Variants in EIPR1 observed in about 807,000 individuals in gnomAD.
The protein encoded by EIPR1 is EARP and GARP complex-interacting protein 1.
EIPR1 carries 25 observed loss-of-function variants against 48.1 expected under a neutral mutation model. That is an observed-to-expected ratio of 0.52 (90% CI 0.38 to 0.73). EIPR1 has a LOEUF of 0.73. Ranked by LOEUF, EIPR1 falls within the 30% of genes least tolerant of loss-of-function variation. The pLI is 0.00. For synonymous variants in EIPR1, 204 were observed against 201.9 expected (o/e 1.01, Z -0.09); for missense variants, 415 against 506.2 (o/e 0.82, Z 1.73).
chr2:3,331,322 T>G (rs1236607860), intron 3 of EIPR1, among the ~76,000 whole-genome samples: 1 of 68,732 alleles, frequency 1.5e-5, no homozygotes, highest in Non-Finnish European at 2.5e-5. Context: ...CAGAGGCAGG[T>G]GTGTATACAC....
At chr2:3,346,802 C>CA (rs796176302) in intron 2 of EIPR1, among the ~76,000 whole-genome samples, 27 of 152,280 alleles carry the variant, frequency 1.8e-4, no homozygotes, top group African/African-American at 6.5e-4. Context: ...AAACCTTGGA[C>CA]AAAAATCATA....
At chr2:3,278,418 A>G (rs1001476853) in intron 3 of EIPR1, among the ~76,000 whole-genome samples, 1 of 152,162 alleles carries the variant, frequency 6.6e-6, no homozygotes, top group Non-Finnish European at 1.5e-5. Flanking sequence ...ACCTGTGGCC[A>G]GCCAGCCCTC....
intron 3 of EIPR1, among the ~76,000 whole-genome samples, chr2:3,324,754 G>A (rs1306025036): frequency 2.6e-5 from 4 of 152,344 alleles, no homozygotes; most frequent in East Asian, 1.9e-4. Flanking sequence ...ATCCAGCCTC[G>A]TGGGCCCCGG....
intron 3 of EIPR1, among the ~76,000 whole-genome samples, chr2:3,307,821 C>G (rs567290029): frequency 6.6e-6 from 1 of 152,266 alleles, no homozygotes; most frequent in East Asian, 1.9e-4. Flanking sequence ...CTGTATATTT[C>G]AGAATAGCAG....
chr2:3,326,518 G>C (rs974045815), intron 3 of EIPR1, among the ~76,000 whole-genome samples: 1 of 152,144 alleles, frequency 6.6e-6, no homozygotes, highest in Non-Finnish European at 1.5e-5. Flanking sequence ...TTTACATCTA[G>C]CTCCCCTTTT....
At chr2:3,260,678 A>T (rs941630076) in intron 3 of EIPR1, among the ~76,000 whole-genome samples, 3 of 152,312 alleles carry the variant, frequency 2.0e-5, no homozygotes, top group African/African-American at 4.8e-5. Flanking sequence ...CTTAATAATG[A>T]AACAACCCAA....
chr2:3,343,874 A>C (rs764904192), intron 2 of EIPR1, among the ~76,000 whole-genome samples: 3 of 152,134 alleles, frequency 2.0e-5, no homozygotes, highest in Non-Finnish European at 4.4e-5. Flanking sequence ...CTGCGCTTCT[A>C]AACTGAAAGT....
chr2:3,189,247 C>T lies in EIPR1; in HGVS notation c.*87G>A, dbSNP rs769759415. Reference sequence around the variant, plus strand: ...CCCAGAGAGGGATCCACCTGGAACACGAGTCACCTCCAAAGAGCTGCGACT... The same window carrying T: ...CCCAGAGAGGGATCCACCTGGAACATGAGTCACCTCCAAAGAGCTGCGACT... On this transcript the variant is annotated 3_prime_UTR_variant, in exon 9 of 9. Transcript: ENST00000382125. The surrounding 1 kb of genome is among the most constrained non-coding windows in gnomAD (Gnocchi z 4.6). 151 of 1,347,598 alleles carry T rather than the reference C, an allele frequency of 1.1e-4. 1 individual carries two copies. Among genetic ancestry groups the T allele is most frequent in the Non-Finnish European group, 1.4e-4 (146 of 1,017,478 alleles). 83.5% of individuals were successfully genotyped at this position (1,347,598 alleles called of 1,614,324 possible).
chr2:3,194,993 G>A (rs559555103), intron 6 of EIPR1, among the ~76,000 whole-genome samples: 4 of 152,336 alleles, frequency 2.6e-5, no homozygotes, highest in Non-Finnish European at 4.4e-5. Context: ...CTGTGTGCAC[G>A]CCCACACATG....
At chr2:3,207,626 C>T (rs565886361) in intron 5 of EIPR1, among the ~76,000 whole-genome samples, 15 of 152,318 alleles carry the variant, frequency 9.8e-5, no homozygotes, top group African/African-American at 2.9e-4. Flanking sequence ...GAGCCTGTGC[C>T]GAAGCTCCCC....
At chr2:3,352,501 A>T (rs1670608959) in intron 2 of EIPR1, among the ~76,000 whole-genome samples, 1 of 152,236 alleles carries the variant, frequency 6.6e-6, no homozygotes, top group Admixed American at 6.5e-5. Flanking sequence ...CCTGCCCCTG[A>T]GCCACCCACA....
chr2:3,372,115 C>T (rs1402196320), intron 1 of EIPR1, among the ~76,000 whole-genome samples: 1 of 151,220 alleles, frequency 6.6e-6, no homozygotes, highest in Non-Finnish European at 1.5e-5. Flanking sequence ...AACTGAACAA[C>T]CTGCTCCTGA....
At chr2:3,296,099 C>CCT (rs1362829501) in intron 3 of EIPR1, among the ~76,000 whole-genome samples, 2 of 126,200 alleles carry the variant, frequency 1.6e-5, no homozygotes, top group Non-Finnish European at 1.7e-5. Context: ...TCCAGCCCAT[C>CCT]CTCTCTACAC....
chr2:3,373,168 C>G (rs1410878304), intron 1 of EIPR1, among the ~76,000 whole-genome samples: 5 of 151,688 alleles, frequency 3.3e-5, no homozygotes, highest in South Asian at 2.1e-4. Flanking sequence ...AGGCCTTTGA[C>G]AAAATTCAAC....
intron 3 of EIPR1, among the ~76,000 whole-genome samples, chr2:3,274,795 G>A (rs1667799843): frequency 6.6e-6 from 1 of 152,018 alleles, no homozygotes; most frequent in Non-Finnish European, 1.5e-5. Flanking sequence ...AGATAGAAGG[G>A]AGATGAAAAT....
chr2:3,294,572 CG>C, intron 3 of EIPR1, among the ~76,000 whole-genome samples: 3 of 137,372 alleles, frequency 2.2e-5, no homozygotes, highest in South Asian at 5.2e-4. Flanking sequence ...TCCATCCAGC[CG>C]ATCCTCTGCA....
chr2:3,228,034 G>C (rs1666120661), intron 4 of EIPR1, among the ~76,000 whole-genome samples: 1 of 152,252 alleles, frequency 6.6e-6, no homozygotes, highest in African/African-American at 2.4e-5. Context: ...CCCACACAGA[G>C]TGCCCCACTG....
Position 3,338,011 on chromosome 2 carries a change from AC to A in EIPR1, c.259+5del. 2 of 1,587,084 alleles carry A rather than the reference AC, an allele frequency of 1.3e-6. No homozygotes were observed. Among genetic ancestry groups the A allele is most frequent in the Non-Finnish European group, 1.7e-6 (2 of 1,172,442 alleles). ...TTAGCAAGTACCTTAGAAAAGCCGC[AC>A]TTACTTCTGTTGTAGCAGGTCGTCA... On this transcript the variant is annotated splice_donor_5th_base_variant and intron_variant, in intron 3 of 8. Coordinates refer to ENST00000382125, the MANE Select transcript of EIPR1 (RefSeq NM_003310.5).
At position 3,246,266 on chromosome 2, in the gene EIPR1, C is replaced by T. The variant is rs750272769; in HGVS notation, c.416+11033G>A. On this transcript the variant is annotated intron_variant, in intron 4 of 8. Coordinates refer to ENST00000382125, the MANE Select transcript of EIPR1 (RefSeq NM_003310.5). ...AATGGGAAGGATAGCTATCAGTTCA[C>T]TCCTCTTTGTAACATTTAACCTGAG... Among the ~76,000 whole-genome samples the T allele has an allele frequency of 1.2e-3, 190 of 152,186 alleles. 3 individuals carry two copies. The highest frequency in any genetic ancestry group is 2.9e-4 in the Non-Finnish European group (20 of 68,044).
Sources: gnomAD v4.1 joint callset for allele counts (sites outside exome capture counted in the v4.1 genomes callset) on GRCh38, gnomAD v4.1.1 for gene constraint, Gnocchi (gnomAD v3.1) non-coding constraint, MANE v1.5 for transcripts, NCBI Gene and HGNC (gene_info 2026-07-23, HGNC 2026-07-21) for gene names.